CPVL: variants seen among roughly 807,000 people sequenced by gnomAD.
The protein encoded by CPVL is carboxypeptidase vitellogenic like, also known as probable serine carboxypeptidase CPVL.
Under a neutral mutation model 63.7 loss-of-function variants are expected in CPVL, and 51 were observed. The observed-to-expected ratio is 0.80, with a 90% confidence interval of 0.64 to 1.01. The LOEUF is 1.01. Among genes scored for constraint, CPVL ranks in the 50% least tolerant of loss-of-function variants. CPVL has a pLI of 0.00. For missense variants in CPVL, 530 were observed against 573.1 expected, an observed-to-expected ratio of 0.92 and a Z score of 0.77; for synonymous variants, 195 against 206.0, an observed-to-expected ratio of 0.95 and a Z score of 0.46.
chr7:29,011,640 C>A (rs1435162686), intron 12 of CPVL: 1 of 152,100 alleles, frequency 6.6e-6, no homozygotes, highest in Non-Finnish European at 1.5e-5. Flanking sequence ...AGATAATATA[C>A]AGTGAATTAA....
intron 12 of CPVL, among the ~76,000 whole-genome samples, chr7:29,000,388 C>T (rs978646372): frequency 1.3e-5 from 2 of 149,818 alleles, no homozygotes; most frequent in East Asian, 1.9e-4. Context: ...GAGGGATCAC[C>T]GCAGACAGAG....
At chr7:29,093,394 A>G (rs1428874606) in intron 5 of CPVL, among the ~76,000 whole-genome samples, 1 of 136,754 alleles carries the variant, frequency 7.3e-6, no homozygotes, top group South Asian at 2.5e-4. Context: ...AAAAAAAAAA[A>G]AAAAGAAAGA....
At chr7:29,172,100 G>A (rs934914778) in intron 5 of CPVL, among the ~76,000 whole-genome samples, 1 of 152,162 alleles carries the variant, frequency 6.6e-6, no homozygotes, top group Non-Finnish European at 1.5e-5. Context: ...ACGTTTATAC[G>A]CTTGGATTAC....
chr7:29,064,101 G>A lies in CPVL; in HGVS notation c.1097C>T (p.Ser366Leu). Residue 366 changes from serine to leucine, a missense_variant, in exon 11 of 13, where the codon TCA (serine) becomes TTA (leucine). Transcript: ENST00000265394. ...GATTTCAGTTAACCATGGCTTAACTGACTGTACTGTATCTTCTCGCAAGTA... is the reference window on the plus strand; with the variant it reads ...GATTTCAGTTAACCATGGCTTAACTAACTGTACTGTATCTTCTCGCAAGTA... ...EKYLREDTVQ[S>L]VKPWLTEIMN... 2 of 1,612,856 alleles carry A rather than the reference G, an allele frequency of 1.2e-6. No homozygotes were observed. The highest frequency in any genetic ancestry group is 1.7e-6 in the Non-Finnish European group (2 of 1,179,072).
At chr7:29,184,370 A>G (rs1311706912) in intron 4 of CPVL, 1 of 152,052 alleles carries the variant, frequency 6.6e-6, no homozygotes, top group Non-Finnish European at 1.5e-5. Flanking sequence ...AAAATATATG[A>G]CTGTATGAGA....
intron 5 of CPVL, among the ~76,000 whole-genome samples, chr7:29,154,387 T>C (rs1794048580): frequency 6.6e-6 from 1 of 152,204 alleles, no homozygotes; most frequent in Non-Finnish European, 1.5e-5. Context: ...TCCCTTCTCT[T>C]TGCCTCCCTT....
chr7:29,150,325 T>A (rs1457884740), upstream of CPVL, among the ~76,000 whole-genome samples: 2 of 152,198 alleles, frequency 1.3e-5, no homozygotes, highest in Non-Finnish European at 2.9e-5. Flanking sequence ...AAGATAGTAG[T>A]ACATATAAAG....
intron 11 of CPVL, among the ~76,000 whole-genome samples, chr7:29,044,110 A>G (rs1164456163): frequency 6.6e-6 from 1 of 152,056 alleles, no homozygotes; most frequent in Non-Finnish European, 1.5e-5. Flanking sequence ...GCCCCCTAGG[A>G]CCAATCTGTA....
chr7:29,117,464 C>T (rs1046263890), intron 2 of CPVL, among the ~76,000 whole-genome samples: 6 of 152,208 alleles, frequency 3.9e-5, no homozygotes, highest in Non-Finnish European at 7.3e-5. Flanking sequence ...ACAGACCTTT[C>T]GCTATTTACG....
chr7:29,084,000 T>C (rs143870061), intron 7 of CPVL, among the ~76,000 whole-genome samples: 33 of 152,322 alleles, frequency 2.2e-4, no homozygotes, highest in African/African-American at 7.5e-4. Context: ...TCATCTGTAT[T>C]GTAATTATTC....
rs141687929 is a variant in CPVL at position 29,013,620 on chromosome 7, G to A, written c.1320+16957C>T. Among the ~76,000 whole-genome samples the A allele has an allele frequency of 2.8e-3, 431 of 152,242 alleles. 1 individual carries two copies. Among genetic ancestry groups the A allele is most frequent in the African/African-American group, 9.6e-3 (399 of 41,552 alleles). ...CATATTAGGCAAACCACCAGCTCCC[G>A]CTGCTCCCAACTCCCTGCCCCCAAA... On this transcript the variant is annotated intron_variant, in intron 12 of 12. Transcript: ENST00000265394.
At chr7:29,110,081 C>G (rs1161315477) in intron 3 of CPVL, among the ~76,000 whole-genome samples, 1 of 152,212 alleles carries the variant, frequency 6.6e-6, no homozygotes, top group Non-Finnish European at 1.5e-5. Context: ...TTCTCTCACC[C>G]TTAGTTCCTG....
chr7:29,158,704 T>C (rs1192802037), intron 5 of CPVL, among the ~76,000 whole-genome samples: 5 of 152,238 alleles, frequency 3.3e-5, no homozygotes, highest in African/African-American at 1.2e-4. Flanking sequence ...GTTAACAGTT[T>C]AATATAAAAG....
chr7:29,184,200 A>AT (rs1337166522), intron 4 of CPVL, among the ~76,000 whole-genome samples: 1 of 134,506 alleles, frequency 7.4e-6, no homozygotes, highest in East Asian at 2.2e-4. Flanking sequence ...TAGATAGATA[A>AT]AAGAGATATT....
chr7:29,182,320 T>C (rs919966180), intron 4 of CPVL, among the ~76,000 whole-genome samples: 1 of 152,212 alleles, frequency 6.6e-6, no homozygotes, highest in East Asian at 1.9e-4. Context: ...ATTAATCTGA[T>C]AGTGTTCCAC....
chr7:29,133,327 A>G (rs2128660537), intron 1 of CPVL, among the ~76,000 whole-genome samples: 1 of 152,302 alleles, frequency 6.6e-6, no homozygotes, highest in South Asian at 2.1e-4. Flanking sequence ...ATCTTTATTG[A>G]CTTTTCTGAC....
At chr7:29,178,248 A>C (rs1055754992) in intron 5 of CPVL, among the ~76,000 whole-genome samples, 2 of 152,164 alleles carry the variant, frequency 1.3e-5, no homozygotes, top group African/African-American at 4.8e-5. Flanking sequence ...TTCAGTATGA[A>C]TCAGAACATG....
chr7:29,094,374 C>A (rs1190811909), intron 5 of CPVL, among the ~76,000 whole-genome samples: 1 of 151,570 alleles, frequency 6.6e-6, no homozygotes, highest in Non-Finnish European at 1.5e-5. Flanking sequence ...AAGTGGAGAC[C>A]CATTTTGACT....
chr7:29,071,983 T>C lies in CPVL; in HGVS notation c.733-79A>G, dbSNP rs760095460. On this transcript the variant is annotated intron_variant, in intron 8 of 12. Transcript: ENST00000265394. ...AAGGAAGCCCATTTGCTTGGTGAAA[T>C]AATCCTTTGTAATTGTTAATATTGT... 4.7e-5 allele frequency: 73 copies of C among 1,546,024 alleles called. 2 individuals are homozygous for C. The Middle Eastern group carries it at 9.9e-3, about 211-fold the overall frequency.
Sources: gnomAD v4.1 joint callset for allele counts (sites outside exome capture counted in the v4.1 genomes callset) on GRCh38, gnomAD v4.1.1 for gene constraint, MANE v1.5 for transcripts, NCBI Gene and HGNC (gene_info 2026-07-23, HGNC 2026-07-21) for gene names.